The following SOX5 variants were observed in gnomAD, a reference collection of about 807,000 sequenced individuals.
SOX5 encodes the protein SRY-box transcription factor 5, also known as transcription factor SOX-5.
Under a neutral mutation model 92.0 loss-of-function variants are expected in SOX5, and 9 were observed. That is an observed-to-expected ratio of 0.10 (90% CI 0.06 to 0.17). The LOEUF (loss-of-function observed/expected upper bound fraction) is 0.17. Among genes scored for constraint, SOX5 ranks in the 10% least tolerant of loss-of-function variants. The probability of loss-of-function intolerance (pLI) is 1.00; values close to 1 mark genes in which losing one functional copy is unlikely to be tolerated. For missense variants in SOX5, 642 were observed against 944.5 expected (o/e 0.68, Z 4.20); for synonymous variants, 344 against 336.3 (o/e 1.02, Z -0.25).
chr12:24,494,134 C>T (rs777659847), intron 1 of SOX5, among the ~76,000 whole-genome samples: 4 of 152,158 alleles, frequency 2.6e-5, no homozygotes, highest in Non-Finnish European at 5.9e-5. Flanking sequence ...CTGGGTAAAT[C>T]ACACTGACGT....
rs377588371 is a variant in SOX5, at chr12:23,653,030, AGATGGATG to A, written c.932-12141_932-12134del. Among the ~76,000 whole-genome samples the A allele has an allele frequency of 2.5e-3, 294 of 115,860 alleles. 2 individuals are homozygous for A. The highest frequency in any genetic ancestry group is 4.4e-3 in the Admixed American group (55 of 12,408). 76.0% of individuals were successfully genotyped at this position (115,860 alleles called of 152,430 possible). Reference sequence around the variant, plus strand: ...TGGATGGATGGATGAATGTACAGATAGATGGATGGATGGATGGATGGATGGATGGATGG... The same window carrying A: ...TGGATGGATGGATGAATGTACAGATAGATGGATGGATGGATGGATGGATGG... On this transcript the variant is annotated intron_variant, in intron 7 of 14. Transcript: ENST00000451604.
intron 6 of SOX5, among the ~76,000 whole-genome samples, chr12:23,689,773 A>T (rs980985188): frequency 6.6e-6 from 1 of 152,194 alleles, no homozygotes. Context: ...AACATGAGAG[A>T]AGAGAATAAG....
intron 7 of SOX5, among the ~76,000 whole-genome samples, chr12:23,654,576 A>AG (rs1178964818): frequency 6.6e-6 from 1 of 152,112 alleles, no homozygotes; most frequent in African/African-American, 2.4e-5. Flanking sequence ...TATGGCAATA[A>AG]GTTCAGCTAT....
intron 5 of SOX5, among the ~76,000 whole-genome samples, chr12:23,737,118 C>A (rs1292710402): frequency 6.6e-6 from 1 of 152,008 alleles, no homozygotes; most frequent in African/African-American, 2.4e-5. Context: ...ATCCTTTTAA[C>A]AGAACTTTAA....
At chr12:24,021,391 T>C (rs953517155) in intron 4 of SOX5, among the ~76,000 whole-genome samples, 8 of 152,134 alleles carry the variant, frequency 5.3e-5, no homozygotes, top group South Asian at 2.1e-4. Flanking sequence ...AGGCTGAGAA[T>C]GGCCGACTCT....
At chr12:24,380,181 A>G (rs1384431091) in intron 1 of SOX5, among the ~76,000 whole-genome samples, 1 of 152,200 alleles carries the variant, frequency 6.6e-6, no homozygotes, top group East Asian at 1.9e-4. Context: ...AACAGACTCA[A>G]CTGGGCTAAC....
intron 7 of SOX5, among the ~76,000 whole-genome samples, chr12:23,641,106 G>A (rs1387922677): frequency 5.9e-5 from 9 of 152,190 alleles, no homozygotes; most frequent in East Asian, 3.9e-4. Flanking sequence ...CAATTAAGGC[G>A]GAAACCTCAT....
intron 2 of SOX5, among the ~76,000 whole-genome samples, chr12:24,358,299 A>G (rs1955109846): frequency 6.6e-6 from 1 of 152,226 alleles, no homozygotes; most frequent in East Asian, 1.9e-4. Context: ...CTATTTTTAT[A>G]TAAAATTGAG....
rs548721591 is a variant in SOX5 at position 23,742,790 on chromosome 12, G to A, written c.569-1751C>T. 2.0e-4 allele frequency among the ~76,000 whole-genome samples: 30 copies of A among 152,238 alleles called. No homozygotes were observed. The South Asian group carries it at 5.6e-3, about 28-fold the overall frequency. ...GAGGATCACTTGAGGCCAAGAGTTC[G>A]AGACCAGACTGGACAACATAGCAAG... On this transcript the variant is annotated intron_variant, in intron 4 of 14. Transcript: ENST00000451604.
intron 12 of SOX5, among the ~76,000 whole-genome samples, chr12:23,545,729 T>C (rs1943003095): frequency 6.6e-6 from 1 of 151,996 alleles, no homozygotes. Context: ...AAAAGTTCAT[T>C]TTGGGTACAA....
intron 2 of SOX5, among the ~76,000 whole-genome samples, chr12:24,300,518 C>T (rs1044436766): frequency 8.5e-5 from 13 of 152,114 alleles, no homozygotes; most frequent in Admixed American, 3.9e-4. Context: ...ATCCACTGAG[C>T]GGTATAACAG....
rs2970416 is a variant in SOX5 at position 24,539,699 on chromosome 12, A to C, written c.-251+22630T>G. Among the ~76,000 whole-genome samples the C allele has an allele frequency of 2.7e-3, 407 of 152,146 alleles. 4 individuals are homozygous for C. Among genetic ancestry groups the C allele is most frequent in the African/African-American group, 7.9e-3 (328 of 41,550 alleles). The stretch of plus-strand genomic sequence containing the variant: ...AAGTCTCTCTGGCAAACATTTCCTT[A>C]ATTTCCTACATATTTAAGAAGGAAC... On this transcript the variant is annotated intron_variant, in intron 1 of 4. Coordinates refer to the SOX5 transcript ENST00000446891.
intron 1 of SOX5, among the ~76,000 whole-genome samples, chr12:24,504,076 T>C (rs1338312992): frequency 6.6e-6 from 1 of 152,182 alleles, no homozygotes; most frequent in Non-Finnish European, 1.5e-5. Flanking sequence ...TTTCTGCAAC[T>C]CTAGGCCTAT....
rs139785181 is a variant in SOX5, at chr12:23,976,208, T to C, written c.-1-80184A>G. On this transcript the variant is annotated intron_variant, in intron 4 of 4. Transcript: ENST00000446891. The stretch of plus-strand genomic sequence containing the variant: ...GATGATTAAAGAAAAAAATTCTGTC[T>C]GGAATTAAATAAACCTAAAACTTAT... 6.9e-3 allele frequency among the ~76,000 whole-genome samples: 1,042 copies of C among 152,006 alleles called. 13 individuals are homozygous for C. Among genetic ancestry groups the C allele is most frequent in the African/African-American group, 0.024 (993 of 41,484 alleles).
chr12:24,222,729 A>T (rs527543444), intron 3 of SOX5, among the ~76,000 whole-genome samples: 2 of 152,346 alleles, frequency 1.3e-5, no homozygotes, highest in Non-Finnish European at 2.9e-5. Flanking sequence ...ATGATTACTG[A>T]TAACTAGTTG....
In SOX5 at chr12:24,290,365, T is replaced by C. The variant is rs1019163101; in HGVS notation, c.-173-13053A>G. Among the ~76,000 whole-genome samples the C allele has an allele frequency of 3.3e-5, 5 of 152,212 alleles. No homozygotes were observed. The South Asian group carries it at 6.2e-4, about 19-fold the overall frequency. On this transcript the variant is annotated intron_variant, in intron 2 of 4. Transcript: ENST00000446891. Reference sequence around the variant, plus strand: ...CCACAAAAATATATTTGGCTAATGATAGTAATAATAGTCAGCATTAATTGA... The same window carrying C: ...CCACAAAAATATATTTGGCTAATGACAGTAATAATAGTCAGCATTAATTGA...
intron 6 of SOX5, among the ~76,000 whole-genome samples, chr12:23,704,715 T>TATATAC (rs1434949526): frequency 2.1e-3 from 232 of 108,350 alleles, no homozygotes; most frequent in African/African-American, 7.1e-3. Context: ...TATATATATA[T>TATATAC]ACACACACAC....
chr12:23,979,698 GTTTTTTTTGTTTTTT>G lies in SOX5; in HGVS notation c.-1-83689_-1-83675del, dbSNP rs1224744926. On this transcript the variant is annotated intron_variant, in intron 4 of 4. Coordinates refer to the SOX5 transcript ENST00000446891. ...TTCTTCCTTCCATATATATATATAT[GTTTTTTTTGTTTTTT>G]TTTTTTTTTTTTTTTTTTTTTGGAG... is the stretch of plus-strand genomic sequence containing the variant. 1.4e-3 allele frequency among the ~76,000 whole-genome samples: 93 copies of G among 64,702 alleles called. 2 individuals are homozygous for G. The highest frequency in any genetic ancestry group is 4.4e-3 in the African/African-American group (77 of 17,548). The allele number at this position is 64,702 out of a possible 152,430, so 42.4% of individuals were successfully genotyped here.
chr12:24,253,407 T>C (rs1940552545), intron 3 of SOX5, among the ~76,000 whole-genome samples: 1 of 152,056 alleles, frequency 6.6e-6, no homozygotes, highest in South Asian at 2.1e-4. Context: ...AAGACTAATC[T>C]AGAAAATCCA....
Sources: allele counts gnomAD v4.1 joint callset (sites outside exome capture counted in the v4.1 genomes callset), GRCh38; gene constraint gnomAD v4.1.1; transcripts MANE v1.5; gene names NCBI Gene and HGNC (gene_info 2026-07-23, HGNC 2026-07-21).